Variants in KCNH1 observed in about 807,000 individuals in gnomAD.
KCNH1 encodes the protein potassium voltage-gated channel subfamily H member 1.
Under a neutral mutation model 69.2 loss-of-function variants are expected in KCNH1, and 27 were observed. The ratio of observed to expected loss-of-function variants is 0.39; its 90% confidence interval spans 0.29 to 0.54. KCNH1 has a LOEUF of 0.54. Among genes scored for constraint, KCNH1 ranks in the 20% least tolerant of loss-of-function variants. The pLI is 0.68. For synonymous variants in KCNH1, 456 were observed against 487.7 expected (o/e 0.93, Z 0.86); for missense variants, 798 against 1,261.6 (o/e 0.63, Z 5.57).
At chr1:211,063,968 T>G (rs934291386) in intron 5 of KCNH1, among the ~76,000 whole-genome samples, 1 of 152,232 alleles carries the variant, frequency 6.6e-6, no homozygotes, top group Non-Finnish European at 1.5e-5. Context: ...AAATCTATTA[T>G]GTACCCATAA....
In KCNH1 at chr1:210,680,991, T is replaced by C. The variant is rs1681251339; in HGVS notation, c.*2290A>G. The C allele has an allele frequency of 6.6e-6, 1 of 152,196 alleles. No individual in the cohort carries two copies. Among genetic ancestry groups the C allele is most frequent in the East Asian group, 1.9e-4 (1 of 5,180 alleles). The allele number at this position is 152,196 out of a possible 1,614,324, so 9.4% of individuals were successfully genotyped here. A position where few individuals can be genotyped will look rare whatever the true frequency, so the allele number is the denominator to read the frequency against. On this transcript the variant is annotated 3_prime_UTR_variant, in exon 11 of 11. Transcript: ENST00000271751. Reference sequence around the variant, plus strand: ...AGGGAAATGGCAGGGCCTCTTGACATTGACCGTTGGGTGCCAGACAAGAAG... The same window carrying C: ...AGGGAAATGGCAGGGCCTCTTGACACTGACCGTTGGGTGCCAGACAAGAAG...
At chr1:210,719,388 A>G (rs984915023) in intron 10 of KCNH1, among the ~76,000 whole-genome samples, 4 of 152,186 alleles carry the variant, frequency 2.6e-5, no homozygotes, top group African/African-American at 9.7e-5. Flanking sequence ...TCATTTTAGT[A>G]TACACCCAGA....
At chr1:210,859,273 A>C (rs1167853170) in intron 7 of KCNH1, 1 of 1,600,708 alleles carries the variant, frequency 6.2e-7, no homozygotes, top group East Asian at 2.2e-5. Flanking sequence ...TTTTGGATTC[A>C]TGAGCTGCTC....
chr1:210,730,036 C>T (rs1682706601), intron 10 of KCNH1, among the ~76,000 whole-genome samples: 1 of 152,156 alleles, frequency 6.6e-6, no homozygotes, highest in Non-Finnish European at 1.5e-5. Context: ...TTCCTGCAGG[C>T]AGCTCTCAGT....
chr1:211,002,633 T>G (rs184432894), intron 6 of KCNH1, among the ~76,000 whole-genome samples: 4 of 151,924 alleles, frequency 2.6e-5, no homozygotes, highest in Non-Finnish European at 5.9e-5. Flanking sequence ...AACTATAAAA[T>G]AAGCCATTTG....
At chr1:210,982,404 T>C (rs1688730940) in intron 6 of KCNH1, among the ~76,000 whole-genome samples, 2 of 152,074 alleles carry the variant, frequency 1.3e-5, no homozygotes, top group South Asian at 4.2e-4. Context: ...ATATCTCCAA[T>C]GCTATCCCTC....
chr1:210,871,355 C>G (rs896682164), intron 7 of KCNH1, among the ~76,000 whole-genome samples: 3 of 152,172 alleles, frequency 2.0e-5, no homozygotes, highest in African/African-American at 4.8e-5. Context: ...CAATGAGATA[C>G]CATCTCACAC....
intron 3 of KCNH1, among the ~76,000 whole-genome samples, chr1:211,093,242 G>T (rs1012848823): frequency 1.3e-5 from 2 of 152,092 alleles, no homozygotes; most frequent in African/African-American, 2.4e-5. Context: ...TAGTCATACT[G>T]GGAGGCCTTT....
intron 5 of KCNH1, among the ~76,000 whole-genome samples, chr1:211,077,847 C>T (rs2102463139): frequency 6.6e-6 from 1 of 151,914 alleles, no homozygotes; most frequent in East Asian, 1.9e-4. Context: ...CATCAGTGTG[C>T]TATATTCAGG....
chr1:210,742,365 C>G (rs1273302047), intron 10 of KCNH1, among the ~76,000 whole-genome samples: 1 of 152,142 alleles, frequency 6.6e-6, no homozygotes. Context: ...TGCACTGGAG[C>G]CCATGGTTTT....
chr1:211,124,251 T>C (rs536976050), intron 1 of KCNH1, among the ~76,000 whole-genome samples: 3 of 152,198 alleles, frequency 2.0e-5, no homozygotes, highest in African/African-American at 7.2e-5. Context: ...GGCAGGCACA[T>C]ACTGCCTGCT....
chr1:210,697,463 G>A (rs1046276317), intron 10 of KCNH1, among the ~76,000 whole-genome samples: 2 of 152,324 alleles, frequency 1.3e-5, no homozygotes, highest in Non-Finnish European at 2.9e-5. Context: ...AGGAGTCTTC[G>A]TCTATCTTTC....
rs367619819 is a variant in KCNH1, at chr1:210,832,907, CAT to C, written c.1463-28743_1463-28742del. ...AAACAGGTGTTGCATTTCTCAAATA[CAT>C]ATATATATATATACATATAAATTGA... On this transcript the variant is annotated intron_variant, in intron 7 of 10. Transcript: ENST00000271751. 5.2e-3 allele frequency among the ~76,000 whole-genome samples: 573 copies of C among 110,624 alleles called. 7 individuals carry two copies. The highest frequency in any genetic ancestry group is 0.014 in the African/African-American group (510 of 35,942). 72.6% of individuals were successfully genotyped at this position (110,624 alleles called of 152,430 possible).
At chr1:210,997,497 A>T (rs575618416) in intron 6 of KCNH1, among the ~76,000 whole-genome samples, 2 of 152,344 alleles carry the variant, frequency 1.3e-5, no homozygotes, top group Non-Finnish European at 2.9e-5. Flanking sequence ...AGCTTCCAAG[A>T]AATATGGGAC....
At chr1:210,959,060 T>A (rs2102354338) in intron 6 of KCNH1, among the ~76,000 whole-genome samples, 1 of 152,378 alleles carries the variant, frequency 6.6e-6, no homozygotes, top group African/African-American at 2.4e-5. Context: ...TTATCTACCT[T>A]TGGTCTCTGA....
chr1:210,986,728 A>G (rs1042139613), intron 6 of KCNH1, among the ~76,000 whole-genome samples: 3 of 152,016 alleles, frequency 2.0e-5, no homozygotes, highest in African/African-American at 4.8e-5. Flanking sequence ...CTTTTCCTTC[A>G]TTTCAACGTT....
Position 210,743,201 on chromosome 1 carries a change from G to A in KCNH1, c.2112+32147C>T, listed in dbSNP as rs199773200. ...AGACGGAGCTGTCCTTTCCTAGTAGGTGTCAGGAGAGGCACTGTGTAACTG... is the reference window on the plus strand; with the variant it reads ...AGACGGAGCTGTCCTTTCCTAGTAGATGTCAGGAGAGGCACTGTGTAACTG... On this transcript the variant is annotated intron_variant, in intron 10 of 10. Transcript: ENST00000271751. Among the ~76,000 whole-genome samples the A allele has an allele frequency of 1.0e-3, 157 of 152,070 alleles. 3 individuals carry two copies. The highest frequency in any genetic ancestry group is 7.3e-3 in the Admixed American group (112 of 15,278).
At chr1:211,060,633 C>T (rs1690419097) in intron 5 of KCNH1, among the ~76,000 whole-genome samples, 1 of 151,470 alleles carries the variant, frequency 6.6e-6, no homozygotes, top group South Asian at 2.1e-4. Context: ...GGAGACATTA[C>T]AATGGATATT....
intron 6 of KCNH1, among the ~76,000 whole-genome samples, chr1:210,978,523 T>C (rs1323900572): frequency 6.6e-6 from 1 of 152,182 alleles, no homozygotes; most frequent in Admixed American, 6.5e-5. Context: ...TCATGTTTTG[T>C]TGAAACCTGA....
Sources: allele counts gnomAD v4.1 joint callset (sites outside exome capture counted in the v4.1 genomes callset), GRCh38; gene constraint gnomAD v4.1.1; transcripts MANE v1.5; gene names NCBI Gene and HGNC (gene_info 2026-07-23, HGNC 2026-07-21).